UGT2A3: variants seen among roughly 807,000 people sequenced by gnomAD.
The protein encoded by UGT2A3 is UDP glucuronosyltransferase family 2 member A3, also known as UDP-glucuronosyltransferase 2A3.
UGT2A3 carries 55 observed loss-of-function variants against 44.1 expected under a neutral mutation model. The observed-to-expected ratio is 1.25, with a 90% CI of 1.00 to 1.56. The LOEUF (loss-of-function observed/expected upper bound fraction) is 1.56, where lower values mean the gene tolerates loss of function less well. Among genes scored for constraint, UGT2A3 ranks in the 40% most tolerant of loss-of-function variants. UGT2A3 has a pLI of 0.00. For synonymous variants in UGT2A3, 243 were observed against 215.1 expected (o/e 1.13, Z -1.13); for missense variants, 733 against 621.6 (o/e 1.18, Z -1.91).
intron 1 of UGT2A3, among the ~76,000 whole-genome samples, chr4:68,949,668 A>G (rs1046845262): frequency 6.6e-6 from 1 of 151,930 alleles, no homozygotes; most frequent in African/African-American, 2.4e-5. Flanking sequence ...GTGAAGGACA[A>G]TAAAGCAATG....
chr4:68,932,483 C>A, intron 3 of UGT2A3, 145 bp downstream of exon 3: 3 of 639,846 alleles, frequency 4.7e-6, no homozygotes, highest in Non-Finnish European at 7.4e-6. Flanking sequence ...GGCAAATGAT[C>A]AGTTATGCCC....
At chr4:68,933,282 T>C (rs1393146604) in intron 2 of UGT2A3, among the ~76,000 whole-genome samples, 1 of 152,026 alleles carries the variant, frequency 6.6e-6, no homozygotes, top group East Asian at 1.9e-4. Context: ...AGAAAGATCA[T>C]TGTGCCACAT....
intron 2 of UGT2A3, among the ~76,000 whole-genome samples, chr4:68,943,570 A>G (rs1270682745): frequency 6.6e-6 from 1 of 151,894 alleles, no homozygotes; most frequent in Admixed American, 6.6e-5. Context: ...TAAACCCAGT[A>G]TTGTTACCAT....
chr4:68,940,766 T>A (rs1718155165), intron 2 of UGT2A3, among the ~76,000 whole-genome samples: 1 of 147,694 alleles, frequency 6.8e-6, no homozygotes, highest in Non-Finnish European at 1.5e-5. Flanking sequence ...AATATACACA[T>A]ATATACATAT....
chr4:68,950,345 G>A lies in UGT2A3; in HGVS notation c.715+701C>T, dbSNP rs563455227. On this transcript the variant is annotated intron_variant, in intron 1 of 5. Coordinates refer to ENST00000251566, the MANE Select transcript of UGT2A3 (RefSeq NM_024743.4). ...ATACATTAAACAATATTTTAGTGTC[G>A]AATATAATTGTACCTTTTTTCATGT... is the stretch of plus-strand genomic sequence containing the variant. Among the ~76,000 whole-genome samples, 531 of 151,874 alleles carry A rather than the reference G, an allele frequency of 3.5e-3. 3 individuals are homozygous for A. The highest frequency in any genetic ancestry group is 5.1e-3 in the Non-Finnish European group (343 of 67,838).
chr4:68,930,828 A>G (rs565064742), intron 4 of UGT2A3, 63 bp from the exon 5 acceptor site: 187 of 1,366,786 alleles, frequency 1.4e-4, no homozygotes, highest in Middle Eastern at 3.7e-4. Flanking sequence ...AAATTATTTA[A>G]AGACTACAGA....
chr4:68,951,015 C>T, intron 1 of UGT2A3, 31 bp downstream of exon 1: 2 of 1,416,562 alleles, frequency 1.4e-6, no homozygotes, highest in South Asian at 1.5e-5. Flanking sequence ...CTTTTGATAA[C>T]TAAATTAAAA....
At chr4:68,945,715 AGAAG>A (rs1435616548) in intron 1 of UGT2A3, among the ~76,000 whole-genome samples, 3 of 101,124 alleles carry the variant, frequency 3.0e-5, no homozygotes, top group East Asian at 5.5e-4. Flanking sequence ...AAGGATGGAA[AGAAG>A]GAAGGAAGGA....
intron 2 of UGT2A3, among the ~76,000 whole-genome samples, chr4:68,936,813 A>G (rs1028173322): frequency 2.7e-5 from 4 of 146,452 alleles, no homozygotes; most frequent in African/African-American, 1.0e-4. Context: ...TATTCAGGGG[A>G]CCCATCTCAC....
chr4:68,948,955 A>G (rs554350901), intron 1 of UGT2A3, among the ~76,000 whole-genome samples: 2 of 151,950 alleles, frequency 1.3e-5, no homozygotes, highest in South Asian at 4.1e-4. Flanking sequence ...ATTGAAGAAG[A>G]TGTTGGGAGC....
intron 4 of UGT2A3, 138 bp downstream of exon 4, chr4:68,931,017 C>T: frequency 1.3e-6 from 1 of 772,172 alleles, no homozygotes; most frequent in South Asian, 2.0e-5. Flanking sequence ...TTTAGTCAAT[C>T]CTTTAATTAT....
chr4:68,950,979 A>T, intron 1 of UGT2A3, 67 bp downstream of exon 1: 2 of 1,126,750 alleles, frequency 1.8e-6, no homozygotes, highest in Non-Finnish European at 2.5e-6. Context: ...GTCATAGACA[A>T]TGTATGACAA....
At chr4:68,942,739 G>T (rs1053986407) in intron 2 of UGT2A3, among the ~76,000 whole-genome samples, 1 of 151,320 alleles carries the variant, frequency 6.6e-6, no homozygotes. Flanking sequence ...TAGAATTGTG[G>T]TTACTAGAGG....
chr4:68,945,283 A>G, intron 2 of UGT2A3, 23 bp downstream of exon 2: 1 of 1,609,660 alleles, frequency 6.2e-7, no homozygotes, highest in Non-Finnish European at 8.5e-7. Context: ...AGTACATAAT[A>G]TTCCTTAATA....
chr4:68,945,163 A>G (rs1411895084), intron 2 of UGT2A3, 143 bp downstream of exon 2: 5 of 820,464 alleles, frequency 6.1e-6, no homozygotes, highest in Non-Finnish European at 7.6e-6. Flanking sequence ...CACCTATAAG[A>G]GCCCCTGTGG....
rs909955886 is a variant in UGT2A3, at chr4:68,943,887, A to G, written c.864+1419T>C. Among the ~76,000 whole-genome samples the G allele has an allele frequency of 2.6e-5, 4 of 151,718 alleles. No individual in the cohort carries two copies. In the East Asian group the frequency reaches 7.8e-4, roughly 30 times the overall value. On this transcript the variant is annotated intron_variant, in intron 2 of 5. Coordinates refer to ENST00000251566, the MANE Select transcript of UGT2A3 (RefSeq NM_024743.4). ...CTCCATGGACTTTGTGCCTGCTTGC[A>G]TTAAACCTACCAATTACAGTTCCCC...
chr4:68,933,999 G>T (rs1212706869), intron 2 of UGT2A3, among the ~76,000 whole-genome samples: 3 of 151,910 alleles, frequency 2.0e-5, no homozygotes, highest in Non-Finnish European at 4.4e-5. Flanking sequence ...GCTGAATCAG[G>T]TGGTTATCTT....
intron 1 of UGT2A3, among the ~76,000 whole-genome samples, chr4:68,950,567 CT>C (rs1718545773): frequency 6.6e-6 from 1 of 151,694 alleles, no homozygotes; most frequent in Admixed American, 6.6e-5. Flanking sequence ...AGTCTTTTAA[CT>C]TTTTATAATA....
intron 2 of UGT2A3, among the ~76,000 whole-genome samples, chr4:68,940,550 G>C (rs1214673909): frequency 6.6e-6 from 1 of 151,876 alleles, no homozygotes; most frequent in Non-Finnish European, 1.5e-5. Context: ...CCTGTTGGGG[G>C]TTGGGTGGCT....
Sources: allele counts gnomAD v4.1 joint callset (sites outside exome capture counted in the v4.1 genomes callset), GRCh38; gene constraint gnomAD v4.1.1; transcripts MANE v1.5; gene names NCBI Gene and HGNC (gene_info 2026-07-23, HGNC 2026-07-21).